The following NHSL1 variants were observed in gnomAD, a reference collection of about 807,000 sequenced individuals.
NHSL1 encodes NHS-like protein 1.
NHSL1 carries 48 observed loss-of-function variants against 95.0 expected under a neutral mutation model. The ratio of observed to expected loss-of-function variants is 0.51; its 90% CI spans 0.40 to 0.64. The LOEUF (loss-of-function observed/expected upper bound fraction) is 0.64. Among genes scored for constraint, NHSL1 ranks in the 30% least tolerant of loss-of-function variants. NHSL1 has a pLI of 0.00. For missense variants in NHSL1, 1,971 were observed against 2,077.7 expected, an observed-to-expected ratio of 0.95 and a Z score of 1.00; for synonymous variants, 783 against 833.9, an observed-to-expected ratio of 0.94 and a Z score of 1.05.
intron 5 of NHSL1, among the ~76,000 whole-genome samples, chr6:138,438,373 A>G (rs1174875432): frequency 6.6e-6 from 1 of 152,200 alleles, no homozygotes; most frequent in East Asian, 1.9e-4. Flanking sequence ...ACATAATGCT[A>G]TTGCAAACTT....
At chr6:138,580,821 A>T (rs1297477324) in intron 1 of NHSL1, among the ~76,000 whole-genome samples, 1 of 152,258 alleles carries the variant, frequency 6.6e-6, no homozygotes, top group African/African-American at 2.4e-5. Context: ...ATACATAGGT[A>T]TGATTCAGTT....
chr6:138,559,308 A>G (rs1174626228), intron 1 of NHSL1, among the ~76,000 whole-genome samples: 1 of 152,270 alleles, frequency 6.6e-6, no homozygotes, highest in Non-Finnish European at 1.5e-5. Flanking sequence ...GAGCAGGTGC[A>G]GGGAATCAGC....
intron 1 of NHSL1, among the ~76,000 whole-genome samples, chr6:138,638,508 G>A (rs780688551): frequency 5.3e-5 from 8 of 151,968 alleles, no homozygotes; most frequent in Non-Finnish European, 5.9e-5. Context: ...AAAGATACCT[G>A]CAATACTTAA....
intron 1 of NHSL1, among the ~76,000 whole-genome samples, chr6:138,664,321 G>A (rs186466593): frequency 6.6e-5 from 10 of 152,214 alleles, no homozygotes; most frequent in African/African-American, 1.4e-4. Flanking sequence ...ATTCTTACGC[G>A]CCAAGTAGGC....
chr6:138,616,799 G>C (rs970374823), intron 1 of NHSL1, among the ~76,000 whole-genome samples: 8 of 152,156 alleles, frequency 5.3e-5, no homozygotes, highest in Non-Finnish European at 8.8e-5. Context: ...AACTGTCTAA[G>C]AAAAGAGCCT....
chr6:138,633,669 G>A (rs1461670072), intron 1 of NHSL1, among the ~76,000 whole-genome samples: 1 of 152,116 alleles, frequency 6.6e-6, no homozygotes, highest in Admixed American at 6.5e-5. Context: ...TATTCTACAA[G>A]AAATGCTAAA....
At chr6:138,433,899 A>G (rs1775891562) in intron 5 of NHSL1, among the ~76,000 whole-genome samples, 1 of 152,176 alleles carries the variant, frequency 6.6e-6, no homozygotes, top group Non-Finnish European at 1.5e-5. Context: ...TGTACCTCCA[A>G]TCCTCCTATG....
At chr6:138,464,485 A>G (rs1329388762) in intron 3 of NHSL1, 1 of 230,400 alleles carries the variant, frequency 4.3e-6, no homozygotes, top group African/African-American at 2.3e-5. Context: ...TTAAATTCTG[A>G]GCCTCAGTCC....
chr6:138,615,576 T>C lies in NHSL1; in HGVS notation c.96+76900A>G, dbSNP rs550810619. On this transcript the variant is annotated intron_variant, in intron 1 of 3. Coordinates refer to the NHSL1 transcript ENST00000491526. Reference sequence around the variant, plus strand: ...ACCTCCGCCTCCCAGGTTCAAGCGATTCTCCTGCCTCAGCCTCCTGAGTAG... The same window carrying C: ...ACCTCCGCCTCCCAGGTTCAAGCGACTCTCCTGCCTCAGCCTCCTGAGTAG... Among the ~76,000 whole-genome samples the C allele has an allele frequency of 3.9e-5, 6 of 152,342 alleles. No individual in the cohort carries two copies. The South Asian group carries it at 1.2e-3, about 32-fold the overall frequency.
rs1223631680 is a variant in NHSL1 at position 138,609,601 on chromosome 6, T to A, written c.96+82875A>T. ...CCATCTCTACTAAAAATACAAAAAA[T>A]TAGCCAGGCCTGGTGGCAGGCACCT... On this transcript the variant is annotated intron_variant, in intron 1 of 3. Coordinates refer to the NHSL1 transcript ENST00000491526. Among the ~76,000 whole-genome samples, 6 of 151,916 alleles carry A rather than the reference T, an allele frequency of 3.9e-5. No individual in the cohort carries two copies. The South Asian group carries it at 8.3e-4, about 21-fold the overall frequency.
At chr6:138,555,125 C>T (rs1336913244) in intron 1 of NHSL1, among the ~76,000 whole-genome samples, 2 of 152,310 alleles carry the variant, frequency 1.3e-5, no homozygotes, top group African/African-American at 2.4e-5. Context: ...GAGCACGGTG[C>T]GGCCCACAAA....
chr6:138,537,698 T>G (rs968646659), intron 1 of NHSL1, among the ~76,000 whole-genome samples: 41 of 152,330 alleles, frequency 2.7e-4, no homozygotes, highest in African/African-American at 9.1e-4. Context: ...TGGGATTTCT[T>G]GAATATTCTT....
At chr6:138,583,855 G>A (rs1784096067) in intron 1 of NHSL1, among the ~76,000 whole-genome samples, 3 of 152,170 alleles carry the variant, frequency 2.0e-5, no homozygotes, top group African/African-American at 7.2e-5. Flanking sequence ...TCTGCCATAT[G>A]AGGGAGGCCA....
chr6:138,592,376 A>T (rs1583438435), intron 1 of NHSL1, among the ~76,000 whole-genome samples: 1 of 152,188 alleles, frequency 6.6e-6, no homozygotes. Context: ...AGGCGGGTGG[A>T]TCACTTGAGG....
intron 3 of NHSL1, among the ~76,000 whole-genome samples, chr6:138,448,569 T>C (rs1257267597): frequency 6.6e-6 from 1 of 152,178 alleles, no homozygotes; most frequent in East Asian, 1.9e-4. Flanking sequence ...ATACCACAGC[T>C]TTGTTTTGCC....
intron 1 of NHSL1, among the ~76,000 whole-genome samples, chr6:138,688,175 C>T (rs1327482106): frequency 6.6e-6 from 1 of 152,120 alleles, no homozygotes; most frequent in Non-Finnish European, 1.5e-5. Flanking sequence ...TGGTCTCGAA[C>T]TCCTGGCCTC....
At chr6:138,437,787 A>G (rs992989921) in intron 5 of NHSL1, among the ~76,000 whole-genome samples, 1 of 152,224 alleles carries the variant, frequency 6.6e-6, no homozygotes, top group Admixed American at 6.5e-5. Flanking sequence ...AACTTTTGAG[A>G]GGATCAAGAC....
chr6:138,648,570 G>C (rs184852828), intron 1 of NHSL1, among the ~76,000 whole-genome samples: 12 of 152,152 alleles, frequency 7.9e-5, no homozygotes, highest in African/African-American at 2.9e-4. Context: ...TAAAATAACT[G>C]GACTTCTTAG....
In NHSL1 at chr6:138,433,679, T is replaced by A. The variant is rs1393178134; in HGVS notation, c.666A>T (p.Ala222=). ...CAGCATCATCTTGGCCAGTGCCTGA[T>A]GCTGGAGATAAAGCAGAAAGAGGCT... ...GVPDNIQKEL[A]SGTGQDDADG... The change falls in exon 6 of 8, where the codon GCA becomes GCT. Residue 222 remains alanine, a splice_region_variant and synonymous_variant. Transcript: ENST00000343505. The A allele has an allele frequency of 6.6e-7, 1 of 1,523,990 alleles. No homozygotes were observed. Among genetic ancestry groups the A allele is most frequent in the East Asian group, 2.5e-5 (1 of 40,328 alleles). 94.4% of individuals were successfully genotyped at this position (1,523,990 alleles called of 1,614,324 possible). A position where few individuals can be genotyped will look rare whatever the true frequency, so the allele number is the denominator to read the frequency against.
Sources: allele counts gnomAD v4.1 joint callset (sites outside exome capture counted in the v4.1 genomes callset), GRCh38; gene constraint gnomAD v4.1.1; transcripts MANE v1.5; gene names NCBI Gene and HGNC (gene_info 2026-07-23, HGNC 2026-07-21).